The following NTNG1 variants were observed in gnomAD, a reference collection of about 807,000 sequenced individuals.
NTNG1 encodes netrin-G1.
In NTNG1, 16 loss-of-function variants were observed where a neutral mutation model predicts 54.0. The ratio of observed to expected loss-of-function variants is 0.30; its 90% CI spans 0.20 to 0.45. The LOEUF is 0.45. Among genes scored for constraint, NTNG1 ranks in the 20% least tolerant of loss-of-function variants. NTNG1 has a pLI of 1.00. For synonymous variants in NTNG1, 255 were observed against 263.1 expected, an observed-to-expected ratio of 0.97 and a Z score of 0.30; for missense variants, 530 against 678.7, an observed-to-expected ratio of 0.78 and a Z score of 2.43.
intron 2 of NTNG1, among the ~76,000 whole-genome samples, chr1:107,182,301 G>A (rs1011195527): frequency 1.3e-5 from 2 of 152,074 alleles, no homozygotes; most frequent in African/African-American, 4.8e-5. Context: ...AGATTTCCTA[G>A]CAACAGAAAC....
Position 107,148,509 on chromosome 1 carries a change from G to A in NTNG1, c.-85G>A. Reference sequence around the variant, plus strand: ...TACCCGTACGCATACATACATATGTGTATATATATGTAAACTAGACAAAGA... The same window carrying A: ...TACCCGTACGCATACATACATATGTATATATATATGTAAACTAGACAAAGA... On this transcript the variant is annotated 5_prime_UTR_variant, in exon 2 of 8. Coordinates refer to ENST00000370068, the MANE Select transcript of NTNG1 (RefSeq NM_001113226.3). 8.1e-7 allele frequency: 1 copy of A among 1,234,996 alleles called. No homozygotes were observed. Among genetic ancestry groups the A allele is most frequent in the Non-Finnish European group, 1.2e-6 (1 of 852,320 alleles). The allele number at this position is 1,234,996 out of a possible 1,614,324, so 76.5% of individuals were successfully genotyped here. A position where few individuals can be genotyped will look rare whatever the true frequency, so the allele number is the denominator to read the frequency against.
At chr1:107,395,594 GA>G (rs1265762513) in intron 4 of NTNG1, 14 of 589,202 alleles carry the variant, frequency 2.4e-5, no homozygotes, top group Non-Finnish European at 4.1e-5. Context: ...AAGTGGATGA[GA>G]CAGGAGGTGA....
chr1:107,422,890 A>G (rs1674662089), intron 5 of NTNG1, among the ~76,000 whole-genome samples: 1 of 152,154 alleles, frequency 6.6e-6, no homozygotes, highest in Non-Finnish European at 1.5e-5. Flanking sequence ...ATGTAATTAT[A>G]GGCAACATGG....
intron 3 of NTNG1, among the ~76,000 whole-genome samples, chr1:107,351,020 G>A (rs929488224): frequency 1.3e-5 from 2 of 152,158 alleles, no homozygotes; most frequent in African/African-American, 2.4e-5. Context: ...AACTATGTGA[G>A]GTTATGGTTG....
At chr1:107,344,449 T>C (rs1318404213) in intron 3 of NTNG1, among the ~76,000 whole-genome samples, 1 of 152,168 alleles carries the variant, frequency 6.6e-6, no homozygotes, top group Non-Finnish European at 1.5e-5. Flanking sequence ...GAGTCTTTTG[T>C]GTAGGGAAGT....
At chr1:107,222,539 T>A (rs907434304) in intron 2 of NTNG1, among the ~76,000 whole-genome samples, 2 of 152,190 alleles carry the variant, frequency 1.3e-5, no homozygotes, top group Non-Finnish European at 2.9e-5. Flanking sequence ...AAGTACTTAT[T>A]AAAATTTTGC....
intron 2 of NTNG1, among the ~76,000 whole-genome samples, chr1:107,173,731 T>C (rs916658031): frequency 4.6e-5 from 7 of 151,464 alleles, no homozygotes; most frequent in African/African-American, 1.7e-4. Context: ...TTCTTTCTTT[T>C]TTTTTTTTTG....
chr1:107,381,768 A>T (rs1363521627), intron 3 of NTNG1, among the ~76,000 whole-genome samples: 3 of 152,244 alleles, frequency 2.0e-5, no homozygotes, highest in African/African-American at 7.2e-5. Flanking sequence ...AGCTAGATTC[A>T]GACAGGCTGG....
intron 2 of NTNG1, among the ~76,000 whole-genome samples, chr1:107,299,775 CAGG>C (rs1443012032): frequency 2.0e-5 from 3 of 152,088 alleles, no homozygotes; most frequent in Non-Finnish European, 4.4e-5. Flanking sequence ...CAACTAAGGC[CAGG>C]AGAAGTTAAG....
At chr1:107,393,358 G>A (rs1329197682) in intron 3 of NTNG1, among the ~76,000 whole-genome samples, 1 of 152,152 alleles carries the variant, frequency 6.6e-6, no homozygotes, top group African/African-American at 2.4e-5. Context: ...AGGTGTTAAT[G>A]TTGGAAGGAG....
At chr1:107,236,456 G>T (rs979941567) in intron 2 of NTNG1, among the ~76,000 whole-genome samples, 1 of 152,156 alleles carries the variant, frequency 6.6e-6, no homozygotes, top group Non-Finnish European at 1.5e-5. Flanking sequence ...GGAAGACAGA[G>T]GCAAAGTGAA....
chr1:107,421,706 A>T (rs1199049207), intron 5 of NTNG1, among the ~76,000 whole-genome samples: 2 of 152,140 alleles, frequency 1.3e-5, no homozygotes, highest in African/African-American at 2.4e-5. Context: ...GCAGCATCTC[A>T]TCTGTGACTC....
intron 2 of NTNG1, among the ~76,000 whole-genome samples, chr1:107,213,551 C>T (rs907873247): frequency 2.0e-5 from 3 of 152,000 alleles, no homozygotes; most frequent in Non-Finnish European, 4.4e-5. Flanking sequence ...TCCCATTGCC[C>T]TCTCTGATTG....
At chr1:107,445,674 T>A (rs1001115966) in intron 7 of NTNG1, among the ~76,000 whole-genome samples, 1 of 152,116 alleles carries the variant, frequency 6.6e-6, no homozygotes, top group Non-Finnish European at 1.5e-5. Context: ...GACAGAAGCT[T>A]TGATAATTTA....
chr1:107,465,826 G>A (rs1191739183), intron 7 of NTNG1, among the ~76,000 whole-genome samples: 1 of 152,136 alleles, frequency 6.6e-6, no homozygotes, highest in Non-Finnish European at 1.5e-5. Flanking sequence ...CCATACAATT[G>A]AAGTAATAAT....
At chr1:107,447,504 A>G (rs891988727) in intron 7 of NTNG1, among the ~76,000 whole-genome samples, 4 of 152,114 alleles carry the variant, frequency 2.6e-5, no homozygotes, top group Admixed American at 2.6e-4. Flanking sequence ...TGAAAAATTA[A>G]AGTTGCTGAT....
At chr1:107,473,596 T>A (rs1427126560) in intron 7 of NTNG1, among the ~76,000 whole-genome samples, 1 of 152,114 alleles carries the variant, frequency 6.6e-6, no homozygotes, top group African/African-American at 2.4e-5. Context: ...ACCAAAAAAA[T>A]GAAAGAATTA....
intron 2 of NTNG1, among the ~76,000 whole-genome samples, chr1:107,272,791 T>C (rs959473298): frequency 6.6e-6 from 1 of 152,226 alleles, no homozygotes; most frequent in African/African-American, 2.4e-5. Context: ...ATGTAATGTA[T>C]ACATTTGGCC....
chr1:107,371,879 A>G (rs1305372986), intron 3 of NTNG1, among the ~76,000 whole-genome samples: 1 of 151,978 alleles, frequency 6.6e-6, no homozygotes, highest in Non-Finnish European at 1.5e-5. Flanking sequence ...ATTTTGAAAT[A>G]TTTGCATTAT....
Sources: gnomAD v4.1 joint callset for allele counts (sites outside exome capture counted in the v4.1 genomes callset) on GRCh38, gnomAD v4.1.1 for gene constraint, MANE v1.5 for transcripts, NCBI Gene and HGNC (gene_info 2026-07-23, HGNC 2026-07-21) for gene names.